The following TANC2 variants were observed in gnomAD, a reference collection of about 807,000 sequenced individuals.
TANC2 encodes the protein protein TANC2.
Under a neutral mutation model 210.5 loss-of-function variants are expected in TANC2, and 26 were observed. The observed-to-expected ratio is 0.12, with a 90% CI of 0.09 to 0.17. TANC2 has a LOEUF of 0.17. Ranked by LOEUF, TANC2 falls within the 10% of genes least tolerant of loss-of-function variation. The pLI is 1.00. For synonymous variants in TANC2, 931 were observed against 967.1 expected (o/e 0.96, Z 0.69); for missense variants, 2,129 against 2,608.9 (o/e 0.82, Z 4.01).
chr17:63,389,048 C>G (rs1279452631), intron 16 of TANC2, among the ~76,000 whole-genome samples: 1 of 152,072 alleles, frequency 6.6e-6, no homozygotes, highest in East Asian at 1.9e-4. Flanking sequence ...CTTTTCTGAC[C>G]AAGAGCTCAC....
At chr17:63,348,116 T>C (rs1341147689) in intron 12 of TANC2, among the ~76,000 whole-genome samples, 1 of 152,224 alleles carries the variant, frequency 6.6e-6, no homozygotes, top group Non-Finnish European at 1.5e-5. Flanking sequence ...TCAGATATTA[T>C]GTGAAGCTTT....
At chr17:63,016,908 C>T (rs1451032107) in intron 2 of TANC2, among the ~76,000 whole-genome samples, 1 of 151,996 alleles carries the variant, frequency 6.6e-6, no homozygotes, top group Non-Finnish European at 1.5e-5. Context: ...GTGTTTTTGT[C>T]ATTCACTTGG....
chr17:63,075,405 A>AC (rs1158952489), intron 3 of TANC2, among the ~76,000 whole-genome samples: 1 of 152,248 alleles, frequency 6.6e-6, no homozygotes, highest in Non-Finnish European at 1.5e-5. Flanking sequence ...GATCCAGAGG[A>AC]CAACTACGTG....
chr17:63,229,764 G>GTT (rs2042422071), intron 7 of TANC2, among the ~76,000 whole-genome samples: 1 of 142,516 alleles, frequency 7.0e-6, no homozygotes, highest in Admixed American at 7.0e-5. Context: ...TCTAATGATT[G>GTT]TTTGTATTTT....
chr17:62,986,561 G>A (rs1307906907), intron 1 of TANC2, among the ~76,000 whole-genome samples: 1 of 151,792 alleles, frequency 6.6e-6, no homozygotes, highest in East Asian at 1.9e-4. Flanking sequence ...GTGTCCAGCT[G>A]CTTGGCTGGC....
intron 8 of TANC2, among the ~76,000 whole-genome samples, chr17:63,240,322 T>G (rs1598680168): frequency 6.6e-6 from 1 of 152,348 alleles, no homozygotes; most frequent in East Asian, 1.9e-4. Flanking sequence ...TGGAACTATG[T>G]AGTCAGTCTG....
chr17:63,168,986 G>A (rs373497064), intron 5 of TANC2, among the ~76,000 whole-genome samples: 1 of 152,142 alleles, frequency 6.6e-6, no homozygotes, highest in African/African-American at 2.4e-5. Context: ...GCTATACCCG[G>A]AGGATTCATT....
chr17:63,221,323 A>G (rs1415599301), intron 7 of TANC2, among the ~76,000 whole-genome samples: 1 of 151,658 alleles, frequency 6.6e-6, no homozygotes, highest in Non-Finnish European at 1.5e-5. Flanking sequence ...TGTGCCTGTA[A>G]TCCCAGCTAC....
chr17:63,328,921 A>G (rs1303492932), intron 11 of TANC2, among the ~76,000 whole-genome samples: 1 of 152,148 alleles, frequency 6.6e-6, no homozygotes, highest in Non-Finnish European at 1.5e-5. Flanking sequence ...TGATTAGTCA[A>G]TCAAACATAA....
At chr17:63,220,784 G>GTGTATATATGTATATATACGTGTATA (rs2042161863) in intron 7 of TANC2, among the ~76,000 whole-genome samples, 2 of 145,396 alleles carry the variant, frequency 1.4e-5, no homozygotes, top group Admixed American at 6.9e-5. Flanking sequence ...ATACATGTAT[G>GTGTATATATGTATATATACGTGTATA]TGTATATATG....
intron 7 of TANC2, among the ~76,000 whole-genome samples, chr17:63,223,050 A>G (rs2042237698): frequency 6.6e-6 from 1 of 152,226 alleles, no homozygotes; most frequent in African/African-American, 2.4e-5. Flanking sequence ...AATATTATGT[A>G]TTCCCTTCTT....
intron 19 of TANC2, chr17:63,399,189 C>T (rs2048264411): frequency 4.7e-6 from 1 of 213,998 alleles, no homozygotes; most frequent in African/African-American, 2.3e-5. Context: ...TGAAAGTTAC[C>T]TTACAATGTG....
chr17:63,352,315 A>G (rs1467727980), intron 13 of TANC2, among the ~76,000 whole-genome samples: 2 of 152,144 alleles, frequency 1.3e-5, no homozygotes, highest in African/African-American at 2.4e-5. Flanking sequence ...CCAGGCACTT[A>G]GCATTATTTC....
chr17:63,384,888 T>C (rs1255937760), intron 15 of TANC2, among the ~76,000 whole-genome samples: 33 of 152,166 alleles, frequency 2.2e-4, no homozygotes. Context: ...TTTTAGTCTA[T>C]TATAGTTGCT....
intron 3 of TANC2, among the ~76,000 whole-genome samples, chr17:63,094,791 G>A (rs2037326881): frequency 6.6e-6 from 1 of 152,140 alleles, no homozygotes; most frequent in Non-Finnish European, 1.5e-5. Flanking sequence ...ACTTCTGAAT[G>A]TCTAGTCACC....
At chr17:63,225,574 C>G (rs1309649303) in intron 7 of TANC2, among the ~76,000 whole-genome samples, 1 of 152,168 alleles carries the variant, frequency 6.6e-6, no homozygotes. Flanking sequence ...AATTTATGTT[C>G]CTCTTAATCC....
chr17:63,103,278 G>A (rs1403743817), intron 4 of TANC2, among the ~76,000 whole-genome samples: 1 of 152,140 alleles, frequency 6.6e-6, no homozygotes, highest in Non-Finnish European at 1.5e-5. Context: ...CCATGCCGGT[G>A]TATATAAAGA....
At chr17:63,061,934 C>A (rs960690022) in intron 2 of TANC2, among the ~76,000 whole-genome samples, 5 of 151,890 alleles carry the variant, frequency 3.3e-5, no homozygotes, top group African/African-American at 7.3e-5. Flanking sequence ...ATTTATAATT[C>A]TTTTCTGATT....
intron 4 of TANC2, among the ~76,000 whole-genome samples, chr17:63,132,097 C>G (rs1341682899): frequency 6.6e-6 from 1 of 152,080 alleles, no homozygotes; most frequent in Non-Finnish European, 1.5e-5. Context: ...CTGTTTTTCT[C>G]TTTACCATAC....
Sources: gnomAD v4.1 joint callset for allele counts (sites outside exome capture counted in the v4.1 genomes callset) on GRCh38, gnomAD v4.1.1 for gene constraint, MANE v1.5 for transcripts, NCBI Gene and HGNC (gene_info 2026-07-23, HGNC 2026-07-21) for gene names.